HIVEP3: variants seen among roughly 807,000 people sequenced by gnomAD.
HIVEP3 encodes transcription factor HIVEP3.
In HIVEP3, 49 loss-of-function variants were observed where a neutral mutation model predicts 152.8. The observed-to-expected ratio is 0.32, with a 90% CI of 0.26 to 0.41. HIVEP3 has a LOEUF of 0.41. Ranked by LOEUF, HIVEP3 falls within the 10% of genes least tolerant of loss-of-function variation. The probability of loss-of-function intolerance (pLI) is 1.00; values close to 1 mark genes in which losing one functional copy is unlikely to be tolerated. For synonymous variants in HIVEP3, 1,269 were observed against 1,289.0 expected (o/e 0.98, Z 0.33); for missense variants, 2,790 against 3,103.3 (o/e 0.90, Z 2.40).
chr1:41,968,221 AG>A (rs201680975), intron 1 of HIVEP3, among the ~76,000 whole-genome samples: 4,703 of 151,870 alleles, frequency 0.031, 100 homozygotes, highest in Non-Finnish European at 0.044. Context: ...ATCCTGATAG[AG>A]ATACAACCTG....
intron 1 of HIVEP3, among the ~76,000 whole-genome samples, chr1:41,989,811 T>G (rs1232079355): frequency 2.0e-5 from 3 of 150,532 alleles, no homozygotes; most frequent in Non-Finnish European, 4.4e-5. Context: ...TGAGCCTATG[T>G]GTGTCTCTGC....
chr1:41,538,673 G>A (rs1336145401), intron 5 of HIVEP3, among the ~76,000 whole-genome samples: 1 of 152,190 alleles, frequency 6.6e-6, no homozygotes, highest in African/African-American at 2.4e-5. Flanking sequence ...GTGACGAAGA[G>A]CAGAGGCCTA....
At chr1:41,828,602 A>C (rs1386690613) in intron 1 of HIVEP3, among the ~76,000 whole-genome samples, 1 of 152,202 alleles carries the variant, frequency 6.6e-6, no homozygotes, top group Non-Finnish European at 1.5e-5. Context: ...CCAGAAATTT[A>C]TGTATTTGGT....
intron 2 of HIVEP3, among the ~76,000 whole-genome samples, chr1:41,637,827 A>G (rs1645300419): frequency 6.6e-6 from 1 of 152,206 alleles, no homozygotes; most frequent in African/African-American, 2.4e-5. Flanking sequence ...GACAGAAGGT[A>G]GAATAGGGGT....
At chr1:41,614,461 C>T (rs2149135397) in intron 3 of HIVEP3, among the ~76,000 whole-genome samples, 1 of 152,340 alleles carries the variant, frequency 6.6e-6, no homozygotes, top group South Asian at 2.1e-4. Context: ...AGGCAAGCCT[C>T]CTTTCTGCAG....
intron 5 of HIVEP3, among the ~76,000 whole-genome samples, chr1:41,526,377 C>A (rs1236176034): frequency 2.1e-5 from 3 of 145,406 alleles, no homozygotes; most frequent in Non-Finnish European, 4.5e-5. Flanking sequence ...CCCTCACACG[C>A]TCGCCCTCAC....
upstream of HIVEP3, among the ~76,000 whole-genome samples, chr1:41,920,597 T>G (rs909274817): frequency 3.8e-5 from 5 of 132,956 alleles, no homozygotes; most frequent in African/African-American, 2.1e-4. Flanking sequence ...TTTTGTTTTG[T>G]TTTTTACCCC....
At chr1:41,685,011 G>A (rs566683894) in intron 2 of HIVEP3, among the ~76,000 whole-genome samples, 6 of 152,288 alleles carry the variant, frequency 3.9e-5, no homozygotes, top group African/African-American at 1.4e-4. Context: ...TGCTTGTGTG[G>A]ACAGGGCCTC....
At chr1:41,536,998 C>CAA (rs1643417775) in intron 5 of HIVEP3, among the ~76,000 whole-genome samples, 1 of 152,176 alleles carries the variant, frequency 6.6e-6, no homozygotes, top group Non-Finnish European at 1.5e-5. Flanking sequence ...AAATAAAATA[C>CAA]AAGAGGCGGA....
At chr1:41,888,898 C>T (rs1412152714) in intron 1 of HIVEP3, among the ~76,000 whole-genome samples, 1 of 147,426 alleles carries the variant, frequency 6.8e-6, no homozygotes. Context: ...ATACCCCACA[C>T]ACGTACACCA....
chr1:41,791,851 C>T (rs974403196), intron 1 of HIVEP3, among the ~76,000 whole-genome samples: 1 of 151,992 alleles, frequency 6.6e-6, no homozygotes, highest in Non-Finnish European at 1.5e-5. Context: ...TACTCCACAC[C>T]TACTAATCTA....
chr1:41,694,055 T>G (rs781463157), intron 2 of HIVEP3, among the ~76,000 whole-genome samples: 2 of 152,254 alleles, frequency 1.3e-5, no homozygotes, highest in Non-Finnish European at 2.9e-5. Context: ...TTTTTCCAGA[T>G]GTACTTTGTA....
chr1:41,730,679 G>C (rs1254481325), intron 1 of HIVEP3, among the ~76,000 whole-genome samples: 1 of 152,222 alleles, frequency 6.6e-6, no homozygotes, highest in African/African-American at 2.4e-5. Flanking sequence ...CCGGTGTGGG[G>C]GCCATCACAG....
chr1:41,539,419 C>G (rs1287735877), intron 5 of HIVEP3, among the ~76,000 whole-genome samples: 1 of 152,192 alleles, frequency 6.6e-6, no homozygotes, highest in Non-Finnish European at 1.5e-5. Context: ...CAAACAATTC[C>G]ACATGTGAGA....
chr1:41,820,166 A>G (rs1642549236), intron 1 of HIVEP3, among the ~76,000 whole-genome samples: 1 of 152,182 alleles, frequency 6.6e-6, no homozygotes, highest in African/African-American at 2.4e-5. Flanking sequence ...TGTCAGTTGT[A>G]GAGAGAGTTA....
chr1:41,721,279 C>T (rs1306759426), intron 1 of HIVEP3, among the ~76,000 whole-genome samples: 1 of 151,896 alleles, frequency 6.6e-6, no homozygotes, highest in African/African-American at 2.4e-5. Context: ...GCGATCTCGG[C>T]TCACTGCAAC....
chr1:41,607,611 C>G (rs1177502064), intron 3 of HIVEP3, among the ~76,000 whole-genome samples: 2 of 148,192 alleles, frequency 1.3e-5, no homozygotes, highest in Non-Finnish European at 3.0e-5. Flanking sequence ...TTTCTTTTTT[C>G]CATTTTAGGC....
At chr1:41,976,005 G>A (rs147213567) in intron 1 of HIVEP3, among the ~76,000 whole-genome samples, 7 of 151,926 alleles carry the variant, frequency 4.6e-5, no homozygotes, top group African/African-American at 7.3e-5. Flanking sequence ...TGAACAGCAC[G>A]TACCAAACTC....
chr1:41,932,018 T>C (rs753496358), intron 1 of HIVEP3, among the ~76,000 whole-genome samples: 9 of 151,904 alleles, frequency 5.9e-5, no homozygotes, highest in Non-Finnish European at 1.2e-4. Context: ...TCTTGCATTG[T>C]TTTTTATCTT....
Sources: allele counts gnomAD v4.1 joint callset (sites outside exome capture counted in the v4.1 genomes callset), GRCh38; gene constraint gnomAD v4.1.1; transcripts MANE v1.5; gene names NCBI Gene and HGNC (gene_info 2026-07-23, HGNC 2026-07-21).